Variants in NKAIN3 observed in about 807,000 individuals in gnomAD.
The protein encoded by NKAIN3 is sodium/potassium-transporting ATPase subunit beta-1-interacting protein 3.
A neutral mutation model predicts 30.2 loss-of-function variants in NKAIN3; 25 were observed. The observed-to-expected ratio is 0.83, with a 90% CI of 0.60 to 1.16. NKAIN3 has a LOEUF of 1.16. Among genes scored for constraint, NKAIN3 ranks in the 50% most tolerant of loss-of-function variants. The pLI is 0.00. For missense variants in NKAIN3, 225 were observed against 254.1 expected (o/e 0.89, Z 0.78); for synonymous variants, 91 against 89.6 (o/e 1.02, Z -0.09).
intron 1 of NKAIN3, among the ~76,000 whole-genome samples, chr8:62,288,247 C>T (rs3960008): frequency 0.031 from 4,400 of 143,284 alleles, 200 homozygotes; most frequent in African/African-American, 0.12. Flanking sequence ...TTCTTTTTAT[C>T]TTTTTTAATT....
At chr8:62,365,038 T>TTCTAAAGA (rs1816695514) in intron 1 of NKAIN3, among the ~76,000 whole-genome samples, 1 of 152,120 alleles carries the variant, frequency 6.6e-6, no homozygotes, top group African/African-American at 2.4e-5. Flanking sequence ...ATTTGTAATT[T>TTCTAAAGA]TCTAAAGATA....
At chr8:62,999,037 A>G (rs1478934850) in intron 5 of NKAIN3, among the ~76,000 whole-genome samples, 2 of 152,110 alleles carry the variant, frequency 1.3e-5, no homozygotes, top group African/African-American at 4.8e-5. Flanking sequence ...ATGTCTGTGC[A>G]GGCCCTTTGC....
chr8:62,957,488 C>A (rs531087192), intron 6 of NKAIN3, among the ~76,000 whole-genome samples: 1 of 152,114 alleles, frequency 6.6e-6, no homozygotes, highest in Non-Finnish European at 1.5e-5. Flanking sequence ...AGATGTCCTC[C>A]GTAGGTGAAT....
chr8:62,606,726 G>A (rs555346759), intron 3 of NKAIN3, among the ~76,000 whole-genome samples: 13 of 152,222 alleles, frequency 8.5e-5, no homozygotes, highest in African/African-American at 2.9e-4. Context: ...TTTTTGTCCT[G>A]TAATTATAGA....
chr8:62,440,015 A>ATTTTTTCTGCTTTT (rs1805277647), intron 1 of NKAIN3, among the ~76,000 whole-genome samples: 1 of 152,108 alleles, frequency 6.6e-6, no homozygotes, highest in Non-Finnish European at 1.5e-5. Context: ...TTCAGGACCC[A>ATTTTTTCTGCTTTT]CTTTTTCATT....
Position 62,256,076 on chromosome 8 carries a change from C to T in NKAIN3, c.54+6949C>T, listed in dbSNP as rs186527845. Among the ~76,000 whole-genome samples, 17 of 152,072 alleles carry T rather than the reference C, an allele frequency of 1.1e-4. No individual in the cohort carries two copies. In the East Asian group the frequency reaches 1.4e-3, roughly 12 times the overall value. On this transcript the variant is annotated intron_variant, in intron 1 of 6. Transcript: ENST00000623646. ...CAGTTTCTGAAGGTCAGTTGAGAGC[C>T]GAGTTAGCTGAGTTGCCACTCTAAA...
At chr8:62,514,023 C>A (rs1384605392) in intron 1 of NKAIN3, among the ~76,000 whole-genome samples, 1 of 152,052 alleles carries the variant, frequency 6.6e-6, no homozygotes, top group Non-Finnish European at 1.5e-5. Context: ...AGAGAGGCCC[C>A]TTGTAGGGCT....
intron 1 of NKAIN3, among the ~76,000 whole-genome samples, chr8:62,290,831 A>G (rs979460739): frequency 1.3e-5 from 2 of 152,108 alleles, no homozygotes; most frequent in African/African-American, 4.8e-5. Context: ...TCCTCTTTGT[A>G]CCTCTGGTAG....
At chr8:62,317,452 A>G (rs554671116) in intron 1 of NKAIN3, among the ~76,000 whole-genome samples, 2 of 152,192 alleles carry the variant, frequency 1.3e-5, no homozygotes, top group Non-Finnish European at 2.9e-5. Context: ...TAATTTTTGT[A>G]TAAGGTGTGA....
At chr8:62,939,255 T>C (rs1822880179) in intron 5 of NKAIN3, among the ~76,000 whole-genome samples, 1 of 152,194 alleles carries the variant, frequency 6.6e-6, no homozygotes, top group Admixed American at 6.5e-5. Flanking sequence ...TTTGGGATTA[T>C]GTTAAACAGC....
intron 4 of NKAIN3, among the ~76,000 whole-genome samples, chr8:62,875,555 C>G (rs749825763): frequency 6.6e-5 from 10 of 152,186 alleles, no homozygotes; most frequent in African/African-American, 9.7e-5. Flanking sequence ...TGAGGCATCA[C>G]GCTACCTGAC....
At chr8:62,959,252 C>T (rs1361567389) in intron 6 of NKAIN3, among the ~76,000 whole-genome samples, 4 of 152,100 alleles carry the variant, frequency 2.6e-5, no homozygotes, top group Non-Finnish European at 5.9e-5. Flanking sequence ...TCTGACAATC[C>T]GGGTACACAG....
At chr8:62,249,570 G>A (rs1307489779) in intron 1 of NKAIN3, among the ~76,000 whole-genome samples, 2 of 152,250 alleles carry the variant, frequency 1.3e-5, no homozygotes, top group East Asian at 3.8e-4. Flanking sequence ...GAATGCCCAG[G>A]TTCTGAGGAG....
chr8:62,606,380 A>G (rs1364488192), intron 3 of NKAIN3, among the ~76,000 whole-genome samples: 1 of 152,118 alleles, frequency 6.6e-6, no homozygotes, highest in Non-Finnish European at 1.5e-5. Flanking sequence ...ATAAATAGAC[A>G]AATGTGCTCC....
At chr8:62,745,265 G>A (rs1027325723) in intron 3 of NKAIN3, among the ~76,000 whole-genome samples, 1 of 152,236 alleles carries the variant, frequency 6.6e-6, no homozygotes, top group East Asian at 1.9e-4. Context: ...ATGCACTGAC[G>A]TGTGTCAGTT....
chr8:62,352,487 A>G (rs575748216), intron 1 of NKAIN3, among the ~76,000 whole-genome samples: 1 of 152,312 alleles, frequency 6.6e-6, no homozygotes, highest in Admixed American at 6.5e-5. Context: ...CAATGAATCA[A>G]ATAAAAACAT....
At chr8:62,735,187 A>C (rs752075663) in intron 3 of NKAIN3, among the ~76,000 whole-genome samples, 6 of 152,136 alleles carry the variant, frequency 3.9e-5, no homozygotes, top group Non-Finnish European at 8.8e-5. Context: ...CTATTCCCTC[A>C]AATATGTTTT....
intron 6 of NKAIN3, among the ~76,000 whole-genome samples, chr8:62,963,779 A>C (rs749698280): frequency 3.9e-5 from 6 of 152,266 alleles, no homozygotes; most frequent in Middle Eastern, 3.4e-3. Flanking sequence ...AGAGGCCTGG[A>C]GGATTCCCAC....
At chr8:62,261,226 G>A (rs916971706) in intron 1 of NKAIN3, among the ~76,000 whole-genome samples, 12 of 152,044 alleles carry the variant, frequency 7.9e-5, no homozygotes, top group African/African-American at 2.2e-4. Context: ...CTTTGAATAC[G>A]TCTGTAAAAT....
Sources: gnomAD v4.1 joint callset for allele counts (sites outside exome capture counted in the v4.1 genomes callset) on GRCh38, gnomAD v4.1.1 for gene constraint, MANE v1.5 for transcripts, NCBI Gene and HGNC (gene_info 2026-07-23, HGNC 2026-07-21) for gene names.